The following ABLIM2 variants were observed in gnomAD, a reference collection of about 807,000 sequenced individuals.
ABLIM2 encodes the protein actin-binding LIM protein 2.
A neutral mutation model predicts 97.7 loss-of-function variants in ABLIM2; 53 were observed. The observed-to-expected ratio is 0.54, with a 90% CI of 0.44 to 0.68. The LOEUF (loss-of-function observed/expected upper bound fraction) is 0.68, where lower values mean the gene tolerates loss of function less well. ABLIM2 is among the 30% of genes least tolerant of loss of function. The pLI is 0.00. For synonymous variants in ABLIM2, 361 were observed against 345.8 expected (o/e 1.04, Z -0.49); for missense variants, 835 against 867.2 (o/e 0.96, Z 0.47).
intron 10 of ABLIM2, among the ~76,000 whole-genome samples, chr4:8,035,504 A>G (rs1784007440): frequency 6.6e-6 from 1 of 152,214 alleles, no homozygotes; most frequent in African/African-American, 2.4e-5. Context: ...TCGGGCCAAC[A>G]GCCTGGCAAC....
chr4:8,151,003 G>T (rs1247177733), intron 1 of ABLIM2, among the ~76,000 whole-genome samples: 1 of 152,162 alleles, frequency 6.6e-6, no homozygotes, highest in African/African-American at 2.4e-5. Flanking sequence ...CCGTGCCCAG[G>T]CCCTTGACTC....
intron 1 of ABLIM2, among the ~76,000 whole-genome samples, chr4:8,131,215 C>A (rs1001980243): frequency 2.6e-5 from 4 of 152,214 alleles, no homozygotes; most frequent in Admixed American, 2.6e-4. Flanking sequence ...AGGTGGGGCA[C>A]AATTTCTCAG....
intron 14 of ABLIM2, among the ~76,000 whole-genome samples, chr4:8,009,879 G>A (rs915744466): frequency 3.3e-5 from 5 of 152,126 alleles, no homozygotes; most frequent in African/African-American, 1.2e-4. Context: ...TCAGGGACAT[G>A]GTATACCTCG....
rs746815036 is a variant in ABLIM2 at position 8,072,063 on chromosome 4, C to T, written c.675+5565G>A. On this transcript the variant is annotated intron_variant, in intron 6 of 20. Coordinates refer to ENST00000447017, the MANE Select transcript of ABLIM2 (RefSeq NM_001130083.2). This position sits in a 1 kb window ranked among gnomAD's most constrained non-coding sequence, Gnocchi z 5.8. ...ATGCTCAGAGCTGTGCAGAGCCCGC[C>T]GACTCAGCCACGCCGCCACAGACTC... 64 of 985,318 alleles carry T rather than the reference C, an allele frequency of 6.5e-5. No individual in the cohort carries two copies. Among genetic ancestry groups the T allele is most frequent in the Admixed American group, 1.8e-4 (3 of 16,264 alleles). 61.0% of individuals were successfully genotyped at this position (985,318 alleles called of 1,614,324 possible). A position where few individuals can be genotyped will look rare whatever the true frequency, so the allele number is the denominator to read the frequency against.
rs769556858 is a variant in ABLIM2 at position 8,019,128 on chromosome 4, G to C, written c.1423+490C>G. Among the ~76,000 whole-genome samples the C allele has an allele frequency of 6.6e-6, 1 of 152,154 alleles. No homozygotes were observed. The highest frequency in any genetic ancestry group is 1.5e-5 in the Non-Finnish European group (1 of 68,014). On this transcript the variant is annotated intron_variant, in intron 14 of 20. Coordinates refer to ENST00000447017, the MANE Select transcript of ABLIM2 (RefSeq NM_001130083.2). The surrounding 1 kb of genome is among the most constrained non-coding windows in gnomAD (Gnocchi z 4.3). The stretch of plus-strand genomic sequence containing the variant: ...CTATTTGCTTATGCAAGAAATCTCC[G>C]TAACGGAAGGCAAGGTCACCCATCC...
At chr4:7,975,863 C>CCTGAG (rs1732592071) in intron 20 of ABLIM2, among the ~76,000 whole-genome samples, 1 of 152,152 alleles carries the variant, frequency 6.6e-6, no homozygotes, top group African/African-American at 2.4e-5. Context: ...TTCAAGTAGG[C>CCTGAG]CTGAGCGAAT....
chr4:8,084,259 C>T (rs1430642073), intron 4 of ABLIM2, among the ~76,000 whole-genome samples: 1 of 152,212 alleles, frequency 6.6e-6, no homozygotes, highest in Non-Finnish European at 1.5e-5. Flanking sequence ...CGGGACAGGC[C>T]TGCCATGGGC....
intron 5 of ABLIM2, among the ~76,000 whole-genome samples, chr4:8,080,098 C>G (rs188564915): frequency 1.3e-3 from 203 of 152,340 alleles, no homozygotes; most frequent in African/African-American, 4.1e-3. Flanking sequence ...GAAGCCTTCC[C>G]TGGTTCCCAA....
intron 6 of ABLIM2, among the ~76,000 whole-genome samples, chr4:8,074,780 T>C (rs1327188020): frequency 4.4e-5 from 3 of 67,794 alleles, no homozygotes; most frequent in Admixed American, 1.3e-4. Flanking sequence ...GTAATTCTTT[T>C]TTTTTTTTTT....
At chr4:8,126,875 G>A (rs1470387444) in intron 1 of ABLIM2, among the ~76,000 whole-genome samples, 1 of 152,010 alleles carries the variant, frequency 6.6e-6, no homozygotes, top group Non-Finnish European at 1.5e-5. Flanking sequence ...AGACCCACCT[G>A]GGCAACAAAG....
chr4:8,006,723 G>A (rs1441202860), intron 16 of ABLIM2, among the ~76,000 whole-genome samples: 3 of 152,210 alleles, frequency 2.0e-5, no homozygotes, highest in African/African-American at 7.2e-5. Context: ...AGGGACCGGA[G>A]GACTGGCATG....
chr4:7,966,520 G>A lies in ABLIM2; in HGVS notation c.*470C>T, dbSNP rs1046074348. 9 of 161,816 alleles carry A rather than the reference G, an allele frequency of 5.6e-5. No individual in the cohort carries two copies. The highest frequency in any genetic ancestry group is 5.5e-4 in the South Asian group (3 of 5,450). The allele number at this position is 161,816 out of a possible 1,614,324, so 10.0% of individuals were successfully genotyped here. ...CCCAGACGCTCACTGCCCCGTCTGC[G>A]AGTCTGCCTGTGAGGCCAGGCTGCC... is the stretch of plus-strand genomic sequence containing the variant. On this transcript the variant is annotated 3_prime_UTR_variant, in exon 21 of 21. Transcript: ENST00000447017.
At position 8,141,015 on chromosome 4, in the gene ABLIM2, C is replaced by T. The variant is rs538005189; in HGVS notation, c.10+17665G>A. Among the ~76,000 whole-genome samples, 27 of 152,224 alleles carry T rather than the reference C, an allele frequency of 1.8e-4. No homozygotes were observed. In the South Asian group the frequency reaches 5.6e-3, roughly 32 times the overall value. ...TGACCTCAGGCTCAGGTGGACCCTG[C>T]CCCTGTCTCCAGGCCCCTGAGCTGC... On this transcript the variant is annotated intron_variant, in intron 1 of 20. Coordinates refer to ENST00000447017, the MANE Select transcript of ABLIM2 (RefSeq NM_001130083.2).
chr4:7,968,201 G>A (rs922379392), intron 20 of ABLIM2, among the ~76,000 whole-genome samples: 1 of 152,270 alleles, frequency 6.6e-6, no homozygotes, highest in Non-Finnish European at 1.5e-5. Flanking sequence ...AAGAGGCCAG[G>A]CTCTGCCCTG....
At chr4:8,080,860 G>A in intron 4 of ABLIM2, 58 bp from the exon 5 acceptor site, 3 of 1,549,550 alleles carry the variant, frequency 1.9e-6, no homozygotes, top group African/African-American at 1.4e-5. Flanking sequence ...TGTTGGGGAG[G>A]CCTCCTGCTC....
intron 8 of ABLIM2, among the ~76,000 whole-genome samples, chr4:8,051,779 C>A (rs1796210074): frequency 6.6e-6 from 1 of 152,142 alleles, no homozygotes; most frequent in Non-Finnish European, 1.5e-5. Context: ...CCATGGCCAC[C>A]CCCACATATC....
In ABLIM2 at chr4:8,083,446, C is replaced by T. The variant is rs1019728771; in HGVS notation, c.455-2644G>A. Reference sequence around the variant, plus strand: ...TCTGTGATGCCTTTATGGGCATCTCCGCCACTCTGCCTCCTACCATATTGG... The same window carrying T: ...TCTGTGATGCCTTTATGGGCATCTCTGCCACTCTGCCTCCTACCATATTGG... On this transcript the variant is annotated intron_variant, in intron 4 of 20. Coordinates refer to ENST00000447017, the MANE Select transcript of ABLIM2 (RefSeq NM_001130083.2). This position sits in a 1 kb window ranked among gnomAD's most constrained non-coding sequence, Gnocchi z 4.6. Among the ~76,000 whole-genome samples, 62 of 152,294 alleles carry T rather than the reference C, an allele frequency of 4.1e-4. No individual in the cohort carries two copies. Among genetic ancestry groups the T allele is most frequent in the East Asian group, 1.9e-4 (1 of 5,170 alleles).
chr4:7,974,220 C>G (rs1468411674), intron 20 of ABLIM2, among the ~76,000 whole-genome samples: 2 of 151,770 alleles, frequency 1.3e-5, no homozygotes, highest in African/African-American at 4.8e-5. Flanking sequence ...CCTACCTACC[C>G]ATCCATCCAC....
rs1359441335 is a variant in ABLIM2 at position 8,075,618 on chromosome 4, G to A, written c.675+2010C>T. 6.6e-6 allele frequency among the ~76,000 whole-genome samples: 1 copy of A among 152,122 alleles called. No homozygotes were observed. The highest frequency in any genetic ancestry group is 6.5e-5 in the Admixed American group (1 of 15,278). On this transcript the variant is annotated intron_variant, in intron 6 of 20. Coordinates refer to ENST00000447017, the MANE Select transcript of ABLIM2 (RefSeq NM_001130083.2). This position sits in a 1 kb window ranked among gnomAD's most constrained non-coding sequence, Gnocchi z 4.4. ...TGAGGTGGAAGGATCACTTAAGCCT[G>A]GGAAGTGAGGCTGCAGTGAGCTGTG...
Sources: gnomAD v4.1 joint callset for allele counts (sites outside exome capture counted in the v4.1 genomes callset) on GRCh38, gnomAD v4.1.1 for gene constraint, Gnocchi (gnomAD v3.1) non-coding constraint, MANE v1.5 for transcripts, NCBI Gene and HGNC (gene_info 2026-07-23, HGNC 2026-07-21) for gene names.